MAGI2: variants seen among roughly 807,000 people sequenced by gnomAD.
The protein encoded by MAGI2 is membrane associated guanylate kinase, WW and PDZ domain containing 2, also known as membrane-associated guanylate kinase, WW and PDZ domain-containing protein 2.
Under a neutral mutation model 133.3 loss-of-function variants are expected in MAGI2, and 35 were observed. That is an observed-to-expected ratio of 0.26 (90% CI 0.20 to 0.35). The LOEUF (loss-of-function observed/expected upper bound fraction) is 0.35. MAGI2 is among the 10% of genes least tolerant of loss of function. The pLI is 1.00. For synonymous variants in MAGI2, 729 were observed against 710.6 expected (o/e 1.03, Z -0.41); for missense variants, 1,636 against 1,863.4 (o/e 0.88, Z 2.25).
intron 1 of MAGI2, among the ~76,000 whole-genome samples, chr7:79,093,163 T>A (rs1262075153): frequency 6.6e-6 from 1 of 151,726 alleles, no homozygotes; most frequent in Non-Finnish European, 1.5e-5. Context: ...CAGAGCTGAT[T>A]ATCAGCTCTA....
rs10156010 is a variant in MAGI2 at position 78,760,476 on chromosome 7, C to T, written c.419-133237G>A. 2.6e-3 allele frequency among the ~76,000 whole-genome samples: 399 copies of T among 151,378 alleles called. 5 individuals are homozygous for T. The highest frequency in any genetic ancestry group is 9.2e-3 in the African/African-American group (380 of 41,210). On this transcript the variant is annotated intron_variant, in intron 2 of 21. Coordinates refer to ENST00000354212, the MANE Select transcript of MAGI2 (RefSeq NM_012301.4). ...CTCCTGGGTTCGAGCGATTCTCCTG[C>T]CTCAGCCTCCCGAGTAGCTGGGGTT...
intron 3 of MAGI2, among the ~76,000 whole-genome samples, chr7:78,569,601 C>T (rs981607730): frequency 6.6e-6 from 1 of 152,102 alleles, no homozygotes; most frequent in Admixed American, 6.5e-5. Context: ...AAAAGTAAAA[C>T]ATTAAATCAT....
At chr7:79,392,829 G>A (rs1209312285) in intron 1 of MAGI2, among the ~76,000 whole-genome samples, 4 of 151,808 alleles carry the variant, frequency 2.6e-5, no homozygotes, top group East Asian at 3.9e-4. Flanking sequence ...TAAATACTTT[G>A]CCAAGGCAGG....
At chr7:79,433,180 T>G (rs1325392600) in intron 1 of MAGI2, among the ~76,000 whole-genome samples, 3 of 152,048 alleles carry the variant, frequency 2.0e-5, no homozygotes, top group Non-Finnish European at 4.4e-5. Context: ...AGTTATGAGG[T>G]GGGCTAGCGA....
intron 16 of MAGI2, among the ~76,000 whole-genome samples, chr7:78,143,875 A>G (rs7791108): frequency 0.018 from 2,655 of 150,900 alleles, 81 homozygotes; most frequent in African/African-American, 0.061. Flanking sequence ...GATCTTATTC[A>G]GTGTTGCTTA....
At chr7:79,264,358 G>GT (rs1338251361) in intron 1 of MAGI2, among the ~76,000 whole-genome samples, 1 of 152,132 alleles carries the variant, frequency 6.6e-6, no homozygotes, top group African/African-American at 2.4e-5. Flanking sequence ...AAATGTAGGG[G>GT]TTTTTTGGTA....
intron 21 of MAGI2, among the ~76,000 whole-genome samples, chr7:78,059,450 T>A (rs993527371): frequency 2.6e-5 from 4 of 152,216 alleles, no homozygotes. Context: ...TTTGTGACTT[T>A]ACCTTTTGGT....
At chr7:78,079,130 C>G (rs764787914) in intron 20 of MAGI2, 45 bp from the exon 21 acceptor site, 24 of 1,582,530 alleles carry the variant, frequency 1.5e-5, no homozygotes, top group South Asian at 7.9e-5. Flanking sequence ...TGGTTTTACT[C>G]AAGTTGCATT....
At chr7:79,432,125 T>C (rs1847818760) in intron 1 of MAGI2, among the ~76,000 whole-genome samples, 2 of 152,196 alleles carry the variant, frequency 1.3e-5, no homozygotes, top group South Asian at 4.1e-4. Flanking sequence ...AAGTTACTAA[T>C]CATATCCCTG....
At chr7:78,335,198 A>G (rs1584917259) in intron 9 of MAGI2, among the ~76,000 whole-genome samples, 1 of 152,130 alleles carries the variant, frequency 6.6e-6, no homozygotes, top group Admixed American at 6.5e-5. Flanking sequence ...CTTGGCTGGG[A>G]GGGCAGCATG....
At chr7:79,223,182 G>A (rs996429841) in intron 1 of MAGI2, among the ~76,000 whole-genome samples, 2 of 152,018 alleles carry the variant, frequency 1.3e-5, no homozygotes, top group Non-Finnish European at 2.9e-5. Flanking sequence ...ACTGCGCGTG[G>A]CCATATCTCA....
intron 2 of MAGI2, among the ~76,000 whole-genome samples, chr7:78,678,348 A>G (rs1003624826): frequency 3.3e-5 from 5 of 152,080 alleles, no homozygotes; most frequent in African/African-American, 1.2e-4. Flanking sequence ...TCATCCTTTA[A>G]CCAGTCAACA....
At chr7:79,325,287 T>C (rs1442431748) in intron 1 of MAGI2, among the ~76,000 whole-genome samples, 32 of 152,200 alleles carry the variant, frequency 2.1e-4, no homozygotes, top group Admixed American at 2.0e-3. Context: ...CTGTGTGTTA[T>C]CGTAACCCTC....
intron 21 of MAGI2, among the ~76,000 whole-genome samples, chr7:78,051,321 G>A (rs191404022): frequency 6.2e-4 from 95 of 152,284 alleles, no homozygotes; most frequent in African/African-American, 2.2e-3. Context: ...AGTGTGTTAC[G>A]AGGTTGTACA....
At chr7:78,605,215 T>C (rs2150892487) in intron 3 of MAGI2, among the ~76,000 whole-genome samples, 1 of 152,288 alleles carries the variant, frequency 6.6e-6, no homozygotes, top group South Asian at 2.1e-4. Context: ...ATGGCAATGG[T>C]AGAACTAAGG....
intron 7 of MAGI2, 98 bp downstream of exon 7, chr7:78,369,058 A>G: frequency 1.3e-6 from 1 of 772,066 alleles, no homozygotes; most frequent in Non-Finnish European, 2.1e-6. Context: ...ATGAAAGGGA[A>G]ATGAAGGGGC....
intron 4 of MAGI2, among the ~76,000 whole-genome samples, chr7:78,505,619 T>C (rs1795015174): frequency 6.6e-6 from 1 of 152,192 alleles, no homozygotes; most frequent in Non-Finnish European, 1.5e-5. Context: ...AGTTAATCAA[T>C]ATTTATTATG....
At chr7:78,637,499 A>G (rs1250287129) in intron 2 of MAGI2, among the ~76,000 whole-genome samples, 1 of 152,142 alleles carries the variant, frequency 6.6e-6, no homozygotes, top group African/African-American at 2.4e-5. Flanking sequence ...ATGTCAAAAA[A>G]TAGATGACAA....
intron 2 of MAGI2, among the ~76,000 whole-genome samples, chr7:78,663,651 G>A (rs528371922): frequency 6.6e-6 from 1 of 152,284 alleles, no homozygotes; most frequent in East Asian, 1.9e-4. Flanking sequence ...GTAGCTAAGA[G>A]ACCTTAGCAC....
Sources: allele counts gnomAD v4.1 joint callset (sites outside exome capture counted in the v4.1 genomes callset), GRCh38; gene constraint gnomAD v4.1.1; transcripts MANE v1.5; gene names NCBI Gene and HGNC (gene_info 2026-07-23, HGNC 2026-07-21).